Variants in ABHD6 observed in about 807,000 individuals in gnomAD.
The protein encoded by ABHD6 is abhydrolase domain containing 6, acylglycerol lipase.
Under a neutral mutation model 38.8 loss-of-function variants are expected in ABHD6, and 33 were observed. The ratio of observed to expected loss-of-function variants is 0.85; its 90% CI spans 0.64 to 1.14. The LOEUF is 1.14. Ranked by LOEUF, ABHD6 falls within the 50% of genes most tolerant of loss-of-function variation. The pLI is 0.00. For missense variants in ABHD6, 380 were observed against 422.6 expected, an observed-to-expected ratio of 0.90 and a Z score of 0.88; for synonymous variants, 147 against 161.6, an observed-to-expected ratio of 0.91 and a Z score of 0.69.
Position 58,276,854 on chromosome 3 carries a change from C to G in ABHD6, c.681+2039C>G, listed in dbSNP as rs1298405765. On this transcript the variant is annotated intron_variant, in intron 7 of 9. Coordinates refer to ENST00000478253, the MANE Select transcript of ABHD6 (RefSeq NM_001320126.2). ...ATATGGCTAGCCAGTTTTCCCAGCA[C>G]CATTTGTTAAATAGGGAATCCTTTC... Among the ~76,000 whole-genome samples, 5 of 152,198 alleles carry G rather than the reference C, an allele frequency of 3.3e-5. No homozygotes were observed. The East Asian group carries it at 9.6e-4, about 29-fold the overall frequency.
At chr3:58,254,849 TATACAC>T (rs1228427343) in intron 2 of ABHD6, among the ~76,000 whole-genome samples, 1 of 82,070 alleles carries the variant, frequency 1.2e-5, no homozygotes, top group Non-Finnish European at 2.2e-5. Flanking sequence ...TATATATGTG[TATACAC>T]ACACACACAC....
chr3:58,271,136 T>A (rs2097444565), intron 6 of ABHD6, 72 bp downstream of exon 6: 1 of 1,482,908 alleles, frequency 6.7e-7, no homozygotes, highest in Non-Finnish European at 9.0e-7. Context: ...GTGTCTGCTA[T>A]GACCGTTTTT....
chr3:58,262,929 G>T (rs2097438019), intron 3 of ABHD6, among the ~76,000 whole-genome samples: 1 of 152,200 alleles, frequency 6.6e-6, no homozygotes, highest in Non-Finnish European at 1.5e-5. Flanking sequence ...AAAATTAGAG[G>T]CTAGGCGTTG....
chr3:58,274,693 C>T lies in ABHD6; in HGVS notation c.559C>T (p.Arg187Trp), dbSNP rs34260150. ...QYSTDNQFVQ[R>W]LKELQGSAAV... ...CTCAACTGACAATCAATTTGTACAA[C>T]GGCTCAAAGAACTGCAGGGCTCTGC... Residue 187 changes from arginine (R) to tryptophan (W), a missense_variant, in exon 7 of 10, where the codon CGG (arginine) becomes TGG (tryptophan). Arg to Trp is a moderately radical substitution (Grantham distance 101). Transcript: ENST00000478253. The T allele has an allele frequency of 7.9e-5, 127 of 1,614,194 alleles. No individual in the cohort carries two copies. In the Middle Eastern group the frequency reaches 9.9e-4, roughly 13 times the overall value.
intron 1 of ABHD6, among the ~76,000 whole-genome samples, chr3:58,246,089 C>G (rs1307010652): frequency 6.6e-6 from 1 of 152,166 alleles, no homozygotes; most frequent in Non-Finnish European, 1.5e-5. Context: ...TGTACTCATG[C>G]TAATTCAGTG....
intron 7 of ABHD6, among the ~76,000 whole-genome samples, chr3:58,281,209 G>A (rs1329778194): frequency 6.6e-6 from 1 of 152,242 alleles, no homozygotes; most frequent in African/African-American, 2.4e-5. Context: ...CACAGGTGGA[G>A]TCTAGAGGCT....
chr3:58,243,071 A>G (rs1472043702), intron 1 of ABHD6, among the ~76,000 whole-genome samples: 2 of 152,130 alleles, frequency 1.3e-5, no homozygotes, highest in Non-Finnish European at 2.9e-5. Flanking sequence ...TTATGGCTGC[A>G]TAGTATTCCA....
At chr3:58,276,927 T>C (rs1224102364) in intron 7 of ABHD6, among the ~76,000 whole-genome samples, 1 of 152,180 alleles carries the variant, frequency 6.6e-6, no homozygotes, top group Non-Finnish European at 1.5e-5. Flanking sequence ...TGGTTATAGA[T>C]GTGTGGTGTT....
In ABHD6 at chr3:58,293,948, C is replaced by T. The variant is rs1020129193; in HGVS notation, c.*183C>T. On this transcript the variant is annotated 3_prime_UTR_variant, in exon 10 of 10. Transcript: ENST00000478253. The surrounding 1 kb of genome is among the most constrained non-coding windows in gnomAD (Gnocchi z 4.4). ...AGCTTTGGGGACCACGCGAAAACCT[C>T]CAAGATATTTTTCACAAAATAGAAA... 9.1e-6 allele frequency: 5 copies of T among 547,236 alleles called. No individual in the cohort carries two copies. In the African/African-American group the frequency reaches 9.5e-5, roughly 10 times the overall value. 33.9% of individuals were successfully genotyped at this position (547,236 alleles called of 1,614,324 possible).
chr3:58,258,146 A>G (rs2107438952), intron 3 of ABHD6, among the ~76,000 whole-genome samples: 1 of 152,154 alleles, frequency 6.6e-6, no homozygotes, highest in Non-Finnish European at 1.5e-5. Flanking sequence ...AATCTCTACT[A>G]AAAATACAAA....
At chr3:58,286,846 G>GGCATATATATATATATA (rs1304640108) in intron 9 of ABHD6, among the ~76,000 whole-genome samples, 1 of 90,224 alleles carries the variant, frequency 1.1e-5, no homozygotes, top group South Asian at 4.6e-4. Flanking sequence ...GTGTGTGTGT[G>GGCATATATATATATATA]TGTGTGTATA....
chr3:58,267,451 G>C lies in ABHD6; in HGVS notation c.276+106G>C, dbSNP rs2097441910. The C allele has an allele frequency of 4.2e-6, 6 of 1,435,156 alleles. No homozygotes were observed. Among genetic ancestry groups the C allele is most frequent in the Non-Finnish European group, 5.7e-6 (6 of 1,045,722 alleles). 88.9% of individuals were successfully genotyped at this position (1,435,156 alleles called of 1,614,324 possible). On this transcript the variant is annotated intron_variant, in intron 4 of 9. Transcript: ENST00000478253. This position sits in a 1 kb window ranked among gnomAD's most constrained non-coding sequence, Gnocchi z 4.3. ...AGCCTGAGGCAGGAGGATTGCTTGAGTCCAGGAGTTCAAAACCAGCCTGGA... is the reference window on the plus strand; with the variant it reads ...AGCCTGAGGCAGGAGGATTGCTTGACTCCAGGAGTTCAAAACCAGCCTGGA...
At chr3:58,245,784 A>AAAAG (rs150162786) in intron 1 of ABHD6, among the ~76,000 whole-genome samples, 1 of 149,634 alleles carries the variant, frequency 6.7e-6, no homozygotes, top group Admixed American at 6.7e-5. Flanking sequence ...TGTCTCAAAA[A>AAAAG]AAAGAAAGAA....
intron 3 of ABHD6, among the ~76,000 whole-genome samples, chr3:58,264,112 A>G (rs973557888): frequency 1.3e-5 from 2 of 152,212 alleles, no homozygotes; most frequent in Admixed American, 6.5e-5. Flanking sequence ...GCAAAATAAG[A>G]CATCACCTAG....
rs2097434071 is a variant in ABHD6 at position 58,257,300 on chromosome 3, C to T, written c.119+595C>T. On this transcript the variant is annotated intron_variant, in intron 3 of 9. Transcript: ENST00000478253. The surrounding 1 kb of genome is among the most constrained non-coding windows in gnomAD (Gnocchi z 4.8). Reference sequence around the variant, plus strand: ...GAATTGTACATTTTTATGGGAACTCCTTTGGTATCTTCTTGATCATTGGTT... The same window carrying T: ...GAATTGTACATTTTTATGGGAACTCTTTTGGTATCTTCTTGATCATTGGTT... Among the ~76,000 whole-genome samples the T allele has an allele frequency of 6.6e-6, 1 of 152,008 alleles. No homozygotes were observed. The highest frequency in any genetic ancestry group is 1.5e-5 in the Non-Finnish European group (1 of 68,010).
intron 7 of ABHD6, among the ~76,000 whole-genome samples, chr3:58,277,111 C>T (rs1348984187): frequency 6.6e-6 from 1 of 151,938 alleles, no homozygotes; most frequent in East Asian, 1.9e-4. Context: ...TTTTTTGGTT[C>T]CATATGAACT....
In ABHD6 at chr3:58,285,809, A is replaced by G. The variant is rs1016511580; in HGVS notation, c.837+356A>G. Among the ~76,000 whole-genome samples the G allele has an allele frequency of 1.1e-4, 17 of 151,968 alleles. No homozygotes were observed. The highest frequency in any genetic ancestry group is 2.2e-4 in the Non-Finnish European group (15 of 67,964). ...TTCCATTCTCCATTACCATGAGGCA[A>G]CTCTTATCTTACTATCTTGAATATA... On this transcript the variant is annotated intron_variant, in intron 9 of 9. Coordinates refer to ENST00000478253, the MANE Select transcript of ABHD6 (RefSeq NM_001320126.2). The surrounding 1 kb of genome is among the most constrained non-coding windows in gnomAD (Gnocchi z 4.9).
intron 2 of ABHD6, among the ~76,000 whole-genome samples, chr3:58,252,226 C>CTTTTT (rs1238327583): frequency 1.4e-4 from 10 of 71,252 alleles, no homozygotes; most frequent in African/African-American, 7.4e-4. Context: ...AAATTGACTG[C>CTTTTT]TTGTTTTTTT....
rs111781216 is a variant in ABHD6, at chr3:58,266,369, G to A, written c.120-820G>A. The stretch of plus-strand genomic sequence containing the variant: ...TGAGGCACAAGAATTGCTTGAACCC[G>A]GGAGGTGGAGGTTGCAGTGAGCGGA... On this transcript the variant is annotated intron_variant, in intron 3 of 9. Transcript: ENST00000478253. The surrounding 1 kb of genome is among the most constrained non-coding windows in gnomAD (Gnocchi z 4.0). Among the ~76,000 whole-genome samples, 17,592 of 151,800 alleles carry A rather than the reference G, an allele frequency of 0.12. 1,315 individuals carry two copies. Among genetic ancestry groups the A allele is most frequent in the African/African-American group, 0.2 (8,459 of 41,360 alleles).
Sources: gnomAD v4.1 joint callset for allele counts (sites outside exome capture counted in the v4.1 genomes callset) on GRCh38, gnomAD v4.1.1 for gene constraint, Gnocchi (gnomAD v3.1) non-coding constraint, MANE v1.5 for transcripts, NCBI Gene and HGNC (gene_info 2026-07-23, HGNC 2026-07-21) for gene names.